The following CCSER1 variants were observed in gnomAD, a reference collection of about 807,000 sequenced individuals.
The protein encoded by CCSER1 is serine-rich coiled-coil domain-containing protein 1.
In CCSER1, 41 loss-of-function variants were observed where a neutral mutation model predicts 82.0. The observed-to-expected ratio is 0.50, with a 90% CI of 0.39 to 0.65. The LOEUF is 0.65. CCSER1 is among the 30% of genes least tolerant of loss of function. The pLI, the probability that CCSER1 is intolerant of heterozygous loss-of-function variation, is 0.00. For synonymous variants in CCSER1, 414 were observed against 383.9 expected (o/e 1.08, Z -0.92); for missense variants, 1,119 against 1,064.2 (o/e 1.05, Z -0.72).
intron 8 of CCSER1, among the ~76,000 whole-genome samples, chr4:90,872,255 C>T (rs1430542709): frequency 6.6e-6 from 1 of 151,496 alleles, no homozygotes; most frequent in African/African-American, 2.4e-5. Context: ...TCCTTCCTTC[C>T]TTCCTTTTAT....
intron 6 of CCSER1, among the ~76,000 whole-genome samples, chr4:90,682,582 G>A (rs527443543): frequency 3.0e-4 from 46 of 151,796 alleles, no homozygotes; most frequent in African/African-American, 9.4e-4. Flanking sequence ...CAATTATGGA[G>A]CCAGGGCTCT....
At chr4:90,670,059 C>T (rs1203271865) in intron 6 of CCSER1, among the ~76,000 whole-genome samples, 1 of 152,072 alleles carries the variant, frequency 6.6e-6, no homozygotes, top group Admixed American at 6.6e-5. Flanking sequence ...CTCTAGCTTG[C>T]ACATGATAAC....
chr4:91,162,765 T>C (rs374089315), intron 10 of CCSER1, among the ~76,000 whole-genome samples: 34 of 152,320 alleles, frequency 2.2e-4, no homozygotes, highest in East Asian at 2.1e-3. Context: ...TTCTGTGGGA[T>C]TGGTGGTCAT....
intron 9 of CCSER1, among the ~76,000 whole-genome samples, chr4:90,933,183 G>GTGTGTGTGTGTGTGTGTGT (rs1730446184): frequency 1.4e-5 from 1 of 70,758 alleles, no homozygotes; most frequent in African/African-American, 6.9e-5. Flanking sequence ...GTGTGTGTGT[G>GTGTGTGTGTGTGTGTGTGT]ATTTTATTTT....
intron 5 of CCSER1, among the ~76,000 whole-genome samples, chr4:90,472,952 A>G (rs1355152300): frequency 1.3e-5 from 2 of 152,208 alleles, no homozygotes; most frequent in African/African-American, 4.8e-5. Context: ...TCAGAAAATC[A>G]AATACCACAT....
intron 1 of CCSER1, among the ~76,000 whole-genome samples, chr4:90,274,198 G>A (rs1727111845): frequency 6.6e-6 from 1 of 152,074 alleles, no homozygotes; most frequent in African/African-American, 2.4e-5. Context: ...TCTTGGGGTA[G>A]AGCTTTACCC....
chr4:90,184,955 C>T (rs1300158529), intron 1 of CCSER1, among the ~76,000 whole-genome samples: 1 of 152,086 alleles, frequency 6.6e-6, no homozygotes, highest in Non-Finnish European at 1.5e-5. Flanking sequence ...TGTGCCAAAA[C>T]TTCCATATTC....
intron 10 of CCSER1, among the ~76,000 whole-genome samples, chr4:91,119,685 T>C (rs1391143447): frequency 6.6e-6 from 1 of 151,938 alleles, no homozygotes; most frequent in Non-Finnish European, 1.5e-5. Context: ...TGTATATAAG[T>C]ATATAGGGAA....
chr4:90,904,920 A>G (rs998682149), intron 8 of CCSER1, among the ~76,000 whole-genome samples: 1 of 151,962 alleles, frequency 6.6e-6, no homozygotes, highest in Admixed American at 6.6e-5. Context: ...CATTCATCCC[A>G]TCTCCAATTG....
chr4:90,726,478 G>A (rs1444507342), intron 7 of CCSER1, among the ~76,000 whole-genome samples: 1 of 152,004 alleles, frequency 6.6e-6, no homozygotes, highest in Non-Finnish European at 1.5e-5. Context: ...ACTATCCCAA[G>A]GTAGGTTAAA....
chr4:91,209,772 G>A (rs932138110), intron 10 of CCSER1, among the ~76,000 whole-genome samples: 1 of 151,656 alleles, frequency 6.6e-6, no homozygotes, highest in African/African-American at 2.4e-5. Flanking sequence ...TTATTGGTCT[G>A]TTCATGGATT....
At chr4:90,480,498 T>G (rs982085737) in intron 5 of CCSER1, among the ~76,000 whole-genome samples, 2 of 152,246 alleles carry the variant, frequency 1.3e-5, no homozygotes, top group African/African-American at 4.8e-5. Context: ...TTCTAGGGTT[T>G]TTATGGTTTT....
chr4:90,842,426 A>G (rs1466534503), intron 8 of CCSER1, among the ~76,000 whole-genome samples: 1 of 152,168 alleles, frequency 6.6e-6, no homozygotes, highest in Non-Finnish European at 1.5e-5. Flanking sequence ...GTGGGAATGT[A>G]GATGCAAAAA....
chr4:91,179,929 A>G lies in CCSER1; in HGVS notation c.2217+93935A>G, dbSNP rs572367334. 4.6e-5 allele frequency among the ~76,000 whole-genome samples: 7 copies of G among 152,256 alleles called. No homozygotes were observed. In the South Asian group the frequency reaches 1.5e-3, roughly 32 times the overall value. On this transcript the variant is annotated intron_variant, in intron 10 of 10. Coordinates refer to ENST00000509176, the MANE Select transcript of CCSER1 (RefSeq NM_001145065.2). ...AGCTTTTCTGCTCTGGTTTCTCCTC[A>G]TCTTTTTGGTTTTATCTACCTTTGG... is the stretch of plus-strand genomic sequence containing the variant.
chr4:90,423,051 T>C (rs1019940602), intron 4 of CCSER1, among the ~76,000 whole-genome samples: 1 of 152,174 alleles, frequency 6.6e-6, no homozygotes, highest in Non-Finnish European at 1.5e-5. Context: ...AAGATCTAGT[T>C]TTTTTCACAT....
rs1434548194 is a variant in CCSER1, at chr4:90,510,886, C to T, written c.1724+42532C>T. 6.6e-5 allele frequency among the ~76,000 whole-genome samples: 10 copies of T among 152,212 alleles called. No individual in the cohort carries two copies. The East Asian group carries it at 1.7e-3, about 27-fold the overall frequency. ...GTAGCAGGGTCCTGGCCCAGACCTC[C>T]GATGACCACATGGACAAGGAAGTTG... On this transcript the variant is annotated intron_variant, in intron 5 of 10. Coordinates refer to ENST00000509176, the MANE Select transcript of CCSER1 (RefSeq NM_001145065.2).
At chr4:91,423,746 G>T (rs16996271) in intron 10 of CCSER1, among the ~76,000 whole-genome samples, 21,209 of 151,864 alleles carry the variant, frequency 0.14, 1,960 homozygotes, top group African/African-American at 0.26. Flanking sequence ...TAAAAATACT[G>T]GTCATCTCCT....
chr4:91,045,016 C>T (rs867796107), intron 9 of CCSER1, among the ~76,000 whole-genome samples: 1 of 152,214 alleles, frequency 6.6e-6, no homozygotes, highest in African/African-American at 2.4e-5. Flanking sequence ...TATTATATTA[C>T]TCTTTATTGG....
intron 6 of CCSER1, among the ~76,000 whole-genome samples, chr4:90,714,440 T>C (rs1371805477): frequency 6.6e-6 from 1 of 152,008 alleles, no homozygotes; most frequent in Non-Finnish European, 1.5e-5. Context: ...TGGACACTGC[T>C]GAACATACCA....
Sources: gnomAD v4.1 joint callset for allele counts (sites outside exome capture counted in the v4.1 genomes callset) on GRCh38, gnomAD v4.1.1 for gene constraint, MANE v1.5 for transcripts, NCBI Gene and HGNC (gene_info 2026-07-23, HGNC 2026-07-21) for gene names.